THSD7B: variants seen among roughly 807,000 people sequenced by gnomAD.
THSD7B encodes the protein thrombospondin type 1 domain containing 7B.
A neutral mutation model predicts 213.6 loss-of-function variants in THSD7B; 138 were observed. The ratio of observed to expected loss-of-function variants is 0.65; its 90% CI spans 0.56 to 0.74. The LOEUF is 0.74. THSD7B is among the 30% of genes least tolerant of loss of function. THSD7B has a pLI of 0.00. For missense variants in THSD7B, 1,931 were observed against 1,991.5 expected, an observed-to-expected ratio of 0.97 and a Z score of 0.58; for synonymous variants, 742 against 687.0, an observed-to-expected ratio of 1.08 and a Z score of -1.25.
At chr2:137,078,296 C>T (rs949877935) in intron 3 of THSD7B, among the ~76,000 whole-genome samples, 2 of 152,122 alleles carry the variant, frequency 1.3e-5, no homozygotes, top group Admixed American at 1.3e-4. Flanking sequence ...TTAGGATTGA[C>T]TTGGCAATGT....
At chr2:137,590,495 A>C (rs1681839290) in intron 17 of THSD7B, among the ~76,000 whole-genome samples, 1 of 152,100 alleles carries the variant, frequency 6.6e-6, no homozygotes, top group South Asian at 2.1e-4. Context: ...AATACCCTGC[A>C]TGTGTCGCAA....
intron 12 of THSD7B, among the ~76,000 whole-genome samples, chr2:137,385,008 A>C: frequency 6.6e-6 from 1 of 152,256 alleles, no homozygotes; most frequent in South Asian, 2.1e-4. Flanking sequence ...CACCAGGGCA[A>C]GCAGTCACCA....
chr2:137,391,342 T>G (rs147830550), intron 12 of THSD7B, among the ~76,000 whole-genome samples: 20 of 152,322 alleles, frequency 1.3e-4, no homozygotes, highest in Non-Finnish European at 2.2e-4. Context: ...TATTTGGATC[T>G]TCTTTCTTCT....
chr2:137,248,698 T>C (rs1020871889), intron 10 of THSD7B, among the ~76,000 whole-genome samples: 2 of 152,172 alleles, frequency 1.3e-5, no homozygotes, highest in African/African-American at 4.8e-5. Flanking sequence ...CCTTTGTTCA[T>C]CCATTTGTTC....
At chr2:137,472,107 G>GT (rs1688106186) in intron 15 of THSD7B, among the ~76,000 whole-genome samples, 2 of 152,270 alleles carry the variant, frequency 1.3e-5, no homozygotes, top group South Asian at 4.1e-4. Context: ...TCTTCCTCCT[G>GT]TTCATATTGC....
intron 2 of THSD7B, among the ~76,000 whole-genome samples, chr2:136,932,301 G>T (rs970762742): frequency 1.3e-5 from 2 of 152,148 alleles, no homozygotes; most frequent in African/African-American, 4.8e-5. Context: ...ATGAAAAAAG[G>T]ATAGATGTGC....
chr2:136,891,490 G>A (rs1683858614), intron 2 of THSD7B, among the ~76,000 whole-genome samples: 1 of 152,124 alleles, frequency 6.6e-6, no homozygotes, highest in Non-Finnish European at 1.5e-5. Context: ...ATTCTTTAAG[G>A]TGGAGGCTAA....
chr2:136,975,118 T>C (rs550910563), intron 2 of THSD7B, among the ~76,000 whole-genome samples: 1 of 152,010 alleles, frequency 6.6e-6, no homozygotes, highest in African/African-American at 2.4e-5. Context: ...GATGGATAAA[T>C]TGCAAAATTT....
At chr2:137,011,438 C>T (rs945106412) in intron 2 of THSD7B, among the ~76,000 whole-genome samples, 4 of 152,120 alleles carry the variant, frequency 2.6e-5, no homozygotes, top group Admixed American at 6.5e-5. Flanking sequence ...CTAAGTTGTA[C>T]GGACTGTTCT....
chr2:137,487,396 A>AAAAGC (rs1688483009), intron 15 of THSD7B, among the ~76,000 whole-genome samples: 1 of 120,946 alleles, frequency 8.3e-6, no homozygotes, highest in South Asian at 2.7e-4. Flanking sequence ...AAAAAAAAAA[A>AAAAGC]AAAGAACTAG....
chr2:137,006,201 G>A (rs2104829501), intron 2 of THSD7B, among the ~76,000 whole-genome samples: 1 of 152,138 alleles, frequency 6.6e-6, no homozygotes, highest in African/African-American at 2.4e-5. Context: ...AGACCATCCT[G>A]GCTAACACGG....
At chr2:137,600,410 T>G (rs1043000534) in intron 17 of THSD7B, among the ~76,000 whole-genome samples, 1 of 152,238 alleles carries the variant, frequency 6.6e-6, no homozygotes, top group African/African-American at 2.4e-5. Flanking sequence ...TATCATTATT[T>G]TAGTGTACTC....
Position 137,657,056 on chromosome 2 carries a change from T to G in THSD7B, c.4280-9T>G. 6.2e-7 allele frequency: 1 copy of G among 1,613,970 alleles called. No homozygotes were observed. Among genetic ancestry groups the G allele is most frequent in the Non-Finnish European group, 8.5e-7 (1 of 1,179,866 alleles). On this transcript the variant is annotated splice_polypyrimidine_tract_variant and intron_variant, in intron 23 of 27. Coordinates refer to ENST00000409968, the MANE Select transcript of THSD7B (RefSeq NM_001316349.2). ...GTAATAGAACTGCTATTATCATATTTACTTACAGGAGGCAAATGTTATCAC... is the reference window on the plus strand; with the variant it reads ...GTAATAGAACTGCTATTATCATATTGACTTACAGGAGGCAAATGTTATCAC...
chr2:137,229,981 C>T (rs1030475697), intron 7 of THSD7B, among the ~76,000 whole-genome samples: 6 of 152,100 alleles, frequency 3.9e-5, no homozygotes, highest in African/African-American at 9.7e-5. Context: ...CAAACAAAAC[C>T]GCCTCTCTCC....
intron 2 of THSD7B, among the ~76,000 whole-genome samples, chr2:136,911,714 A>G (rs1373226905): frequency 6.6e-6 from 1 of 152,224 alleles, no homozygotes; most frequent in Non-Finnish European, 1.5e-5. Flanking sequence ...TAGTCTCTGC[A>G]TTTTGAGAAA....
chr2:137,035,361 T>A (rs1420784347), intron 2 of THSD7B, among the ~76,000 whole-genome samples: 1 of 152,214 alleles, frequency 6.6e-6, no homozygotes, highest in East Asian at 1.9e-4. Flanking sequence ...CTTTTTGCAA[T>A]GCAGTTTTGC....
intron 1 of THSD7B, among the ~76,000 whole-genome samples, chr2:136,838,196 TG>T (rs1469077231): frequency 3.3e-5 from 5 of 152,334 alleles, no homozygotes; most frequent in African/African-American, 1.2e-4. Context: ...TGACCACATT[TG>T]TTTTTTTTGT....
intron 2 of THSD7B, among the ~76,000 whole-genome samples, chr2:136,895,766 T>C (rs1487036745): frequency 2.0e-5 from 3 of 152,090 alleles, no homozygotes; most frequent in Non-Finnish European, 4.4e-5. Flanking sequence ...CATTTACAGT[T>C]AGCCTCTGTC....
rs1688340476 is a variant in THSD7B at position 137,111,185 on chromosome 2, T to A, written c.1200-3939T>A. 2.6e-5 allele frequency among the ~76,000 whole-genome samples: 4 copies of A among 152,172 alleles called. 1 individual carries two copies. The South Asian group carries it at 8.3e-4, about 32-fold the overall frequency. Reference sequence around the variant, plus strand: ...ATATATTCTCGAACTGTACTTGTATTTGAGATTAGAAGAGAAGTTATTTTG... The same window carrying A: ...ATATATTCTCGAACTGTACTTGTATATGAGATTAGAAGAGAAGTTATTTTG... On this transcript the variant is annotated intron_variant, in intron 4 of 27. Transcript: ENST00000409968.
Sources: allele counts gnomAD v4.1 joint callset (sites outside exome capture counted in the v4.1 genomes callset), GRCh38; gene constraint gnomAD v4.1.1; transcripts MANE v1.5; gene names NCBI Gene and HGNC (gene_info 2026-07-23, HGNC 2026-07-21).